ATXN2: variants seen among roughly 807,000 people sequenced by gnomAD.
ATXN2 encodes ataxin 2, also known as ataxin-2.
Under a neutral mutation model 138.6 loss-of-function variants are expected in ATXN2, and 37 were observed. That is an observed-to-expected ratio of 0.27 (90% confidence interval 0.21 to 0.35). The LOEUF is 0.35. Among genes scored for constraint, ATXN2 ranks in the 10% least tolerant of loss-of-function variants. ATXN2 has a pLI of 1.00. For missense variants in ATXN2, 1,216 were observed against 1,480.3 expected, an observed-to-expected ratio of 0.82 and a Z score of 2.93; for synonymous variants, 549 against 543.7, an observed-to-expected ratio of 1.01 and a Z score of -0.13.
At chr12:111,525,142 G>A (rs1159983842) in intron 6 of ATXN2, 50 bp downstream of exon 6, 2 of 1,552,646 alleles carry the variant, frequency 1.3e-6, no homozygotes, top group African/African-American at 1.4e-5. Context: ...CCAAGTGACA[G>A]GATGTCATAC....
chr12:111,576,100 C>T (rs1883627040), intron 1 of ATXN2, among the ~76,000 whole-genome samples: 1 of 132,532 alleles, frequency 7.5e-6, no homozygotes, highest in Non-Finnish European at 1.5e-5. Context: ...CATAACATAA[C>T]ATAACATAAC....
At chr12:111,495,950 C>G (rs1878395749) in intron 14 of ATXN2, among the ~76,000 whole-genome samples, 1 of 150,416 alleles carries the variant, frequency 6.6e-6, no homozygotes, top group African/African-American at 2.5e-5. Context: ...TCGAAACAAC[C>G]CTGGGACACA....
chr12:111,478,321 G>A (rs1045346364), intron 18 of ATXN2, among the ~76,000 whole-genome samples: 1 of 152,064 alleles, frequency 6.6e-6, no homozygotes, highest in Non-Finnish European at 1.5e-5. Flanking sequence ...CGTAAGAATT[G>A]CTTGAACCTG....
intron 3 of ATXN2, 36 bp from the exon 4 acceptor site, chr12:111,553,013 A>ATAC (rs757227369): frequency 1.8e-5 from 24 of 1,360,890 alleles, no homozygotes; most frequent in Non-Finnish European, 2.4e-5. Context: ...AAGAAACAGT[A>ATAC]TACTACCCGG....
In ATXN2 at chr12:111,519,987, T is replaced by C. The variant is rs201886670; in HGVS notation, c.878A>G (p.Gln293Arg). 148 of 1,614,054 alleles carry C rather than the reference T, an allele frequency of 9.2e-5. No homozygotes were observed. Among genetic ancestry groups the C allele is most frequent in the Non-Finnish European group, 4.2e-6 (5 of 1,180,040 alleles). ...TTCCAGGGCCACTCGAGCTTTGTAC[T>C]GGGCACTTGACTCAATTTCTTCTGC... ...QLAEEIESSA[Q>R]YKARVALEND... The change falls in exon 8 of 25, where the codon CAG (glutamine) becomes CGG (arginine). Residue 293 changes from glutamine (Q) to arginine (R), a missense_variant. Physicochemically the swap from Gln to Arg is conservative, Grantham distance 43. This residue lies in a region of ATXN2 where 401 missense variants were observed against 528.1 expected (regional missense o/e 0.76). Coordinates refer to ENST00000673436, the MANE Select transcript of ATXN2 (RefSeq NM_001372574.1).
chr12:111,581,158 A>G (rs1883983961), intron 1 of ATXN2, among the ~76,000 whole-genome samples: 1 of 151,526 alleles, frequency 6.6e-6, no homozygotes, highest in Admixed American at 6.6e-5. Flanking sequence ...AAAAAAAGAA[A>G]TGTATTAGAA....
chr12:111,516,242 G>C lies in ATXN2; in HGVS notation c.1287C>G (p.Pro429=), dbSNP rs1879848923. 1.9e-6 allele frequency: 3 copies of C among 1,568,930 alleles called. No individual in the cohort carries two copies. Among genetic ancestry groups the C allele is most frequent in the Non-Finnish European group, 1.7e-6 (2 of 1,164,020 alleles). The stretch of plus-strand genomic sequence containing the variant: ...GAGACGGGGGTCTGGATGGCCGCGA[G>C]GGGGGCCTGGAGGGCGGCCGTGTAG... The part of the protein sequence containing the change: ...ATPTRPPSRP[P]SRPSRPPSHP... The change falls in exon 10 of 25, where the codon CCC becomes CCG. Residue 429 remains proline (P), a synonymous_variant. Coordinates refer to ENST00000673436, the MANE Select transcript of ATXN2 (RefSeq NM_001372574.1). The surrounding 1 kb of genome is among the most constrained non-coding windows in gnomAD (Gnocchi z 5.0).
At chr12:111,590,407 G>T (rs1331606980) in intron 1 of ATXN2, among the ~76,000 whole-genome samples, 1 of 152,002 alleles carries the variant, frequency 6.6e-6, no homozygotes, top group African/African-American at 2.4e-5. Context: ...CCTGTTAGGG[G>T]GCCGGACGCA....
intron 1 of ATXN2, among the ~76,000 whole-genome samples, chr12:111,559,865 G>A (rs1170486925): frequency 1.3e-5 from 2 of 150,108 alleles, no homozygotes; most frequent in African/African-American, 4.9e-5. Context: ...CCATAATTTA[G>A]GAGAAAAAAA....
In ATXN2 at chr12:111,552,230, T is replaced by A; in HGVS notation, c.571+50A>T. The A allele has an allele frequency of 6.6e-7, 1 of 1,512,298 alleles. No individual in the cohort carries two copies. Among genetic ancestry groups the A allele is most frequent in the Non-Finnish European group, 8.8e-7 (1 of 1,132,128 alleles). The allele number at this position is 1,512,298 out of a possible 1,614,324, so 93.7% of individuals were successfully genotyped here. A position where few individuals can be genotyped will look rare whatever the true frequency, so the allele number is the denominator to read the frequency against. On this transcript the variant is annotated intron_variant, in intron 5 of 24. Coordinates refer to ENST00000673436, the MANE Select transcript of ATXN2 (RefSeq NM_001372574.1). The surrounding 1 kb of genome is among the most constrained non-coding windows in gnomAD (Gnocchi z 4.1). ...GTAAGATCACTGTGAAAATCTTTGCTTGAATAAATCTAATAAACCATGAGG... is the reference window on the plus strand; with the variant it reads ...GTAAGATCACTGTGAAAATCTTTGCATGAATAAATCTAATAAACCATGAGG...
chr12:111,488,089 C>T (rs1406773372), intron 15 of ATXN2, among the ~76,000 whole-genome samples: 2 of 152,102 alleles, frequency 1.3e-5, no homozygotes, highest in Admixed American at 6.6e-5. Flanking sequence ...GTAGAAGCAC[C>T]GCATGCTTCT....
intron 1 of ATXN2, among the ~76,000 whole-genome samples, chr12:111,577,922 G>A (rs375958151): frequency 6.6e-6 from 1 of 152,158 alleles, no homozygotes; most frequent in East Asian, 1.9e-4. Context: ...CTGGCCAGGT[G>A]CGGTGGCTCA....
At chr12:111,456,501 C>A (rs1875113747) in intron 22 of ATXN2, among the ~76,000 whole-genome samples, 1 of 152,046 alleles carries the variant, frequency 6.6e-6, no homozygotes, top group African/African-American at 2.4e-5. Context: ...ATACTAAAGT[C>A]AAAAAAGACT....
At chr12:111,576,132 T>TAACATAACATAACATAACATAACATAACA (rs147474684) in intron 1 of ATXN2, among the ~76,000 whole-genome samples, 195 of 138,598 alleles carry the variant, frequency 1.4e-3, no homozygotes, top group African/African-American at 4.8e-3. Flanking sequence ...TAACATAACA[T>TAACATAACATAACATAACATAACATAACA]AACATCACAC....
intron 22 of ATXN2, among the ~76,000 whole-genome samples, chr12:111,456,752 A>C (rs888265294): frequency 6.6e-6 from 1 of 151,902 alleles, no homozygotes; most frequent in East Asian, 1.9e-4. Flanking sequence ...GATTTTTTTT[A>C]ATTTTTTATT....
chr12:111,495,328 C>T (rs893153679), intron 14 of ATXN2, among the ~76,000 whole-genome samples: 25 of 133,940 alleles, frequency 1.9e-4, no homozygotes, highest in Non-Finnish European at 3.6e-4. Context: ...AAAAAAAAAA[C>T]CAAAGATCCA....
At chr12:111,562,411 G>A (rs372430286) in intron 1 of ATXN2, among the ~76,000 whole-genome samples, 1 of 150,934 alleles carries the variant, frequency 6.6e-6, no homozygotes. Context: ...GACAAAGCAG[G>A]ACTCTATCTC....
At chr12:111,570,623 C>T (rs1883266423) in intron 1 of ATXN2, among the ~76,000 whole-genome samples, 1 of 152,106 alleles carries the variant, frequency 6.6e-6, no homozygotes, top group African/African-American at 2.4e-5. Context: ...ACTTCCTCCT[C>T]TCTTCATGGC....
chr12:111,573,295 C>T (rs1218444938), intron 1 of ATXN2, among the ~76,000 whole-genome samples: 3 of 152,070 alleles, frequency 2.0e-5, no homozygotes, highest in Non-Finnish European at 4.4e-5. Flanking sequence ...CAGGTTCAAG[C>T]GATTCTCCTT....
Sources: gnomAD v4.1 joint callset for allele counts (sites outside exome capture counted in the v4.1 genomes callset) on GRCh38, gnomAD v4.1.1 for gene constraint, gnomAD v4.1.1 regional missense constraint, Gnocchi (gnomAD v3.1) non-coding constraint, MANE v1.5 for transcripts, NCBI Gene and HGNC (gene_info 2026-07-23, HGNC 2026-07-21) for gene names.